SNTG1: variants seen among roughly 807,000 people sequenced by gnomAD.
SNTG1 encodes the protein syntrophin gamma 1.
A neutral mutation model predicts 74.7 loss-of-function variants in SNTG1; 39 were observed. The observed-to-expected ratio is 0.52, with a 90% confidence interval of 0.40 to 0.68. SNTG1 has a LOEUF of 0.68. Ranked by LOEUF, SNTG1 falls within the 30% of genes least tolerant of loss-of-function variation. The pLI, the probability that SNTG1 is intolerant of heterozygous loss-of-function variation, is 0.00. For missense variants in SNTG1, 685 were observed against 609.5 expected, an observed-to-expected ratio of 1.12 and a Z score of -1.30; for synonymous variants, 254 against 217.1, an observed-to-expected ratio of 1.17 and a Z score of -1.49.
intron 12 of SNTG1, among the ~76,000 whole-genome samples, chr8:50,558,438 A>G (rs965433825): frequency 6.6e-6 from 1 of 152,344 alleles, no homozygotes; most frequent in Non-Finnish European, 1.5e-5. Context: ...GCTGGGAGAT[A>G]AAGGAAGCAA....
At chr8:49,958,208 T>C (rs917378583) in intron 1 of SNTG1, among the ~76,000 whole-genome samples, 1 of 152,204 alleles carries the variant, frequency 6.6e-6, no homozygotes. Context: ...CCTATGGGGA[T>C]CACAGATCAG....
intron 4 of SNTG1, among the ~76,000 whole-genome samples, chr8:50,421,483 G>T (rs2093086729): frequency 6.6e-6 from 1 of 152,098 alleles, no homozygotes; most frequent in African/African-American, 2.4e-5. Flanking sequence ...TTTTGTTTTT[G>T]GTGAGATTTA....
chr8:50,631,157 A>G (rs558440529), intron 13 of SNTG1, among the ~76,000 whole-genome samples: 1 of 152,356 alleles, frequency 6.6e-6, no homozygotes, highest in Non-Finnish European at 1.5e-5. Context: ...TTCTTATGGT[A>G]TGTAAAAAGA....
chr8:50,671,536 A>G (rs2095282702), intron 15 of SNTG1, among the ~76,000 whole-genome samples: 2 of 152,162 alleles, frequency 1.3e-5, no homozygotes, highest in South Asian at 4.1e-4. Context: ...TTAAAAAGTC[A>G]GGAAACAACA....
At chr8:50,242,949 C>T (rs906173445) in intron 2 of SNTG1, among the ~76,000 whole-genome samples, 1 of 151,848 alleles carries the variant, frequency 6.6e-6, no homozygotes, top group Admixed American at 6.6e-5. Flanking sequence ...TTGATTCATG[C>T]AGGACTTACA....
At chr8:49,994,446 G>C (rs1814004962) in intron 1 of SNTG1, among the ~76,000 whole-genome samples, 1 of 139,822 alleles carries the variant, frequency 7.2e-6, no homozygotes, top group Non-Finnish European at 1.6e-5. Context: ...TGTATTTTTA[G>C]TAGAGACGGG....
At chr8:50,327,322 G>T (rs1470074725) in intron 2 of SNTG1, among the ~76,000 whole-genome samples, 1 of 152,032 alleles carries the variant, frequency 6.6e-6, no homozygotes. Context: ...TATCCATTTT[G>T]CCTTACATAT....
At chr8:50,027,919 C>T (rs59663019) in intron 1 of SNTG1, among the ~76,000 whole-genome samples, 1 of 152,142 alleles carries the variant, frequency 6.6e-6, no homozygotes, top group African/African-American at 2.4e-5. Flanking sequence ...CAGAAAGCTG[C>T]AGAAATAGTA....
At chr8:50,738,647 G>A (rs1400192747) in intron 17 of SNTG1, among the ~76,000 whole-genome samples, 1 of 152,024 alleles carries the variant, frequency 6.6e-6, no homozygotes, top group African/African-American at 2.4e-5. Context: ...CATGATACCT[G>A]ACTTCAAACT....
chr8:50,343,678 G>A (rs192027408), intron 2 of SNTG1, among the ~76,000 whole-genome samples: 1 of 152,130 alleles, frequency 6.6e-6, no homozygotes, highest in East Asian at 1.9e-4. Context: ...AGTTGCATCA[G>A]AAATTACATT....
At chr8:50,233,564 T>A (rs1203141443) in intron 2 of SNTG1, among the ~76,000 whole-genome samples, 1 of 151,382 alleles carries the variant, frequency 6.6e-6, no homozygotes, top group African/African-American at 2.4e-5. Context: ...AAAACATCAA[T>A]CAAAAATCAA....
intron 2 of SNTG1, among the ~76,000 whole-genome samples, chr8:50,383,439 T>C (rs1466651647): frequency 6.6e-6 from 1 of 152,208 alleles, no homozygotes; most frequent in Non-Finnish European, 1.5e-5. Context: ...ATATTATACA[T>C]ATGTGTATAC....
At chr8:50,624,443 T>C (rs1179857814) in intron 13 of SNTG1, among the ~76,000 whole-genome samples, 1 of 152,128 alleles carries the variant, frequency 6.6e-6, no homozygotes, top group Non-Finnish European at 1.5e-5. Context: ...ATTGGGTCAC[T>C]AAAATGACCA....
intron 17 of SNTG1, among the ~76,000 whole-genome samples, chr8:50,751,686 A>G (rs1233053548): frequency 6.6e-6 from 1 of 151,982 alleles, no homozygotes. Flanking sequence ...TCACTTTGTC[A>G]CTTCTATTGA....
intron 18 of SNTG1, among the ~76,000 whole-genome samples, chr8:50,773,293 T>C (rs1469655131): frequency 1.3e-5 from 2 of 152,050 alleles, no homozygotes; most frequent in Non-Finnish European, 2.9e-5. Flanking sequence ...TTTTAGAAGC[T>C]CCAATACATT....
At chr8:50,444,764 A>AAAAAAAAAAAAG (rs71233494) in intron 5 of SNTG1, among the ~76,000 whole-genome samples, 4 of 140,238 alleles carry the variant, frequency 2.9e-5, no homozygotes, top group African/African-American at 1.1e-4. Flanking sequence ...AAAAAAAAAA[A>AAAAAAAAAAAAG]AAAGAAAGAG....
rs185052081 is a variant in SNTG1, at chr8:50,373,627, T to C, written c.-27-20585T>C. On this transcript the variant is annotated intron_variant, in intron 2 of 18. Transcript: ENST00000642720. ...AGGGAAACAGTAGATGGGAAACTCA[T>C]TTAAGAAGTGCAGAGTTTAATCTCA... is the stretch of plus-strand genomic sequence containing the variant. 1.0e-3 allele frequency among the ~76,000 whole-genome samples: 153 copies of C among 152,356 alleles called. 1 individual carries two copies. The highest frequency in any genetic ancestry group is 8.2e-3 in the Admixed American group (126 of 15,302).
At chr8:50,390,148 A>C (rs1272753746) in intron 2 of SNTG1, among the ~76,000 whole-genome samples, 1 of 151,616 alleles carries the variant, frequency 6.6e-6, no homozygotes, top group South Asian at 2.1e-4. Context: ...TTAGATATGA[A>C]GTCCTTGTCC....
At chr8:50,621,368 C>T (rs1468218968) in intron 13 of SNTG1, among the ~76,000 whole-genome samples, 3 of 152,114 alleles carry the variant, frequency 2.0e-5, no homozygotes, top group Non-Finnish European at 4.4e-5. Flanking sequence ...CATGAAGTAA[C>T]ATCACAAGTC....
Sources: allele counts gnomAD v4.1 joint callset (sites outside exome capture counted in the v4.1 genomes callset), GRCh38; gene constraint gnomAD v4.1.1; transcripts MANE v1.5; gene names NCBI Gene and HGNC (gene_info 2026-07-23, HGNC 2026-07-21).